Variants in HSD17B13 observed in about 807,000 individuals in gnomAD.
HSD17B13 encodes the protein 17-beta-hydroxysteroid dehydrogenase 13.
In HSD17B13, 26 loss-of-function variants were observed where a neutral mutation model predicts 31.1. The observed-to-expected ratio is 0.84, with a 90% CI of 0.61 to 1.16. The LOEUF is 1.16. Ranked by LOEUF, HSD17B13 falls within the 50% of genes most tolerant of loss-of-function variation. HSD17B13 has a pLI of 0.00. For synonymous variants in HSD17B13, 141 were observed against 133.7 expected, an observed-to-expected ratio of 1.05 and a Z score of -0.38; for missense variants, 374 against 366.5, an observed-to-expected ratio of 1.02 and a Z score of -0.17.
intron 1 of HSD17B13, among the ~76,000 whole-genome samples, chr4:87,319,973 G>A (rs1288643213): frequency 1.3e-5 from 2 of 152,198 alleles, no homozygotes; most frequent in African/African-American, 4.8e-5. Context: ...CTCACAATCT[G>A]TAAACTCTTC....
Position 87,305,661 on chromosome 4 carries a change from C to T in HSD17B13, c.813-353G>A, listed in dbSNP as rs976682298. On this transcript the variant is annotated intron_variant, in intron 6 of 6. Coordinates refer to ENST00000328546, the MANE Select transcript of HSD17B13 (RefSeq NM_178135.5). ...CCTGAACACAGAGGTTGCAGTGAGC[C>T]GAGATCACGCCATTGCACTCCAGCC... Among the ~76,000 whole-genome samples the T allele has an allele frequency of 6.6e-5, 10 of 152,038 alleles. No homozygotes were observed. The East Asian group carries it at 1.5e-3, about 24-fold the overall frequency.
intron 4 of HSD17B13, among the ~76,000 whole-genome samples, chr4:87,314,641 T>TCTCTCTCACACACACACACA (rs373166006): frequency 2.8e-5 from 4 of 142,140 alleles, no homozygotes; most frequent in African/African-American, 1.0e-4. Flanking sequence ...TCTCTCTCTC[T>TCTCTCTCACACACACACACA]CACACACACA....
At chr4:87,317,324 A>C in intron 2 of HSD17B13, 101 bp from the exon 3 acceptor site, 1 of 1,187,084 alleles carries the variant, frequency 8.4e-7, no homozygotes, top group Non-Finnish European at 1.2e-6. Flanking sequence ...CTATTGTATG[A>C]GGTCTCTCAG....
chr4:87,309,505 TGAA>T (rs1051681389), intron 6 of HSD17B13, among the ~76,000 whole-genome samples: 3 of 152,048 alleles, frequency 2.0e-5, no homozygotes, highest in African/African-American at 4.8e-5. Context: ...TTAAAGATTT[TGAA>T]GAAGATTTTA....
chr4:87,305,220 A>G lies in HSD17B13; in HGVS notation c.901T>C (p.Ter301ArgextTer11). 6.3e-7 allele frequency: 1 copy of G among 1,590,916 alleles called. No homozygotes were observed. The highest frequency in any genetic ancestry group is 8.6e-7 in the Non-Finnish European group (1 of 1,163,748). ...ATCTCTGGCTGGAGCTTATTTATTC[A>G]TTTCATTTTGATTTTGTGGCCAACC... ...AVVGHKIKMK* is the reference protein window; with the variant it reads ...AVVGHKIKMKR Residue 301 changes from the stop codon to arginine (R), a stop_lost, in exon 7 of 7, where the codon TGA becomes CGA. Transcript: ENST00000328546.
At chr4:87,306,322 C>T (rs1211924401) in intron 6 of HSD17B13, among the ~76,000 whole-genome samples, 3 of 152,176 alleles carry the variant, frequency 2.0e-5, no homozygotes, top group Non-Finnish European at 2.9e-5. Flanking sequence ...CCAAGAGACA[C>T]CACCAGAATC....
intron 5 of HSD17B13, among the ~76,000 whole-genome samples, chr4:87,311,490 G>C (rs915733169): frequency 6.6e-6 from 1 of 152,046 alleles, no homozygotes; most frequent in Non-Finnish European, 1.5e-5. Context: ...AGTTTAATGA[G>C]AATTTAAGAG....
intron 3 of HSD17B13, 107 bp downstream of exon 3, chr4:87,316,985 C>T: frequency 2.7e-6 from 3 of 1,117,794 alleles, no homozygotes; most frequent in Non-Finnish European, 3.9e-6. Flanking sequence ...TTGATTAAGG[C>T]AAAGATCTGG....
At chr4:87,308,870 A>G (rs898817534) in intron 6 of HSD17B13, among the ~76,000 whole-genome samples, 2 of 150,338 alleles carry the variant, frequency 1.3e-5, no homozygotes, top group Admixed American at 1.3e-4. Flanking sequence ...GTAGCTATTA[A>G]AGAAATTAAA....
chr4:87,315,911 C>T (rs1305504637), intron 3 of HSD17B13, among the ~76,000 whole-genome samples: 2 of 152,050 alleles, frequency 1.3e-5, no homozygotes. Context: ...GTTTTCAGAA[C>T]TAAAATTATT....
chr4:87,315,598 A>G lies in HSD17B13; in HGVS notation c.452T>C (p.Ile151Thr). ...FEVNILGHFW[I>T]TKALLPSMME... ...CATCGATGGAAGAAGTGCTTTTGTG[A>G]TCTTAAGGATCATTGCAGAAAGAAG... The change falls in exon 4 of 7, where the codon ATC becomes ACC. Residue 151 changes from isoleucine (I) to threonine (T), a missense_variant and splice_region_variant. Ile to Thr is a moderately conservative substitution (Grantham distance 89, BLOSUM62 -1). Coordinates refer to ENST00000328546, the MANE Select transcript of HSD17B13 (RefSeq NM_178135.5). 6.4e-7 allele frequency: 1 copy of G among 1,572,460 alleles called. No homozygotes were observed. The highest frequency in any genetic ancestry group is 8.7e-7 in the Non-Finnish European group (1 of 1,146,404).
chr4:87,311,050 C>T (rs1734520805), intron 5 of HSD17B13, among the ~76,000 whole-genome samples: 1 of 152,134 alleles, frequency 6.6e-6, no homozygotes, highest in South Asian at 2.1e-4. Flanking sequence ...GTCCTCACTG[C>T]TCATTATAAG....
intron 4 of HSD17B13, among the ~76,000 whole-genome samples, chr4:87,314,493 A>G (rs1348296422): frequency 6.6e-6 from 1 of 151,942 alleles, no homozygotes; most frequent in Non-Finnish European, 1.5e-5. Context: ...GGATCTGGAG[A>G]AGAGTTTACA....
Position 87,317,563 on chromosome 4 carries a change from C to CTTTATTTTTTTTTTTTTTTTT in HSD17B13, c.319-341_319-340insAAAAAAAAAAAAAAAAATAAA, listed in dbSNP as rs1734681075. On this transcript the variant is annotated intron_variant, in intron 2 of 6. Coordinates refer to ENST00000328546, the MANE Select transcript of HSD17B13 (RefSeq NM_178135.5). ...TTTTAAAAATGTGTTTTTCTTTAAA[C>CTTTATTTTTTTTTTTTTTTTT]TTTTTTTTTTTTTTTTTTTTTTTTT... 5.6e-4 allele frequency among the ~76,000 whole-genome samples: 28 copies of CTTTATTTTTTTTTTTTTTTTT among 49,714 alleles called. 1 individual carries two copies. The highest frequency in any genetic ancestry group is 1.9e-3 in the African/African-American group (23 of 11,870). 32.6% of individuals were successfully genotyped at this position (49,714 alleles called of 152,430 possible).
intron 6 of HSD17B13, among the ~76,000 whole-genome samples, chr4:87,309,493 A>T (rs1734478954): frequency 6.6e-6 from 1 of 151,936 alleles, no homozygotes; most frequent in Non-Finnish European, 1.5e-5. Context: ...CAATTTAAAG[A>T]TTTAAAGATT....
intron 1 of HSD17B13, among the ~76,000 whole-genome samples, chr4:87,318,941 G>T (rs1341204975): frequency 3.3e-5 from 5 of 151,620 alleles, no homozygotes; most frequent in East Asian, 3.9e-4. Flanking sequence ...AGCACTTTAG[G>T]AGGCCGAGGA....
intron 6 of HSD17B13, among the ~76,000 whole-genome samples, chr4:87,308,506 AAAAAAAAAAAAAAAAAAAAAAAAAAT>A (rs1284353694): frequency 1.1e-4 from 10 of 92,728 alleles, no homozygotes; most frequent in Non-Finnish European, 2.1e-4. Flanking sequence ...AAAAAAAAAA[AAAAAAAAAAAAAAAAAAAAAAAAAAT>A]AAGCTGGGCA....
At chr4:87,313,796 C>T (rs1342780097) in intron 5 of HSD17B13, 27 bp downstream of exon 5, 1 of 1,598,286 alleles carries the variant, frequency 6.3e-7, no homozygotes, top group Non-Finnish European at 8.6e-7. Flanking sequence ...ATACCACATA[C>T]CCATTCTAAC....
Position 87,318,797 on chromosome 4 carries a change from CAAA to C in HSD17B13, c.211-364_211-362del, listed in dbSNP as rs1158406945. On this transcript the variant is annotated intron_variant, in intron 1 of 6. Transcript: ENST00000328546. ...TGGGCAACAGAGTGAGACTCTGTCT[CAAA>C]AAAAAAAAAAAAAAAAATTAACATT... Among the ~76,000 whole-genome samples, 112 of 83,478 alleles carry C rather than the reference CAAA, an allele frequency of 1.3e-3. 1 individual carries two copies. The highest frequency in any genetic ancestry group is 7.9e-3 in the Middle Eastern group (1 of 126). The allele number at this position is 83,478 out of a possible 152,430, so 54.8% of individuals were successfully genotyped here. A position where few individuals can be genotyped will look rare whatever the true frequency, so the allele number is the denominator to read the frequency against.
Sources: allele counts gnomAD v4.1 joint callset (sites outside exome capture counted in the v4.1 genomes callset), GRCh38; gene constraint gnomAD v4.1.1; transcripts MANE v1.5; gene names NCBI Gene and HGNC (gene_info 2026-07-23, HGNC 2026-07-21).